The following AMD1 variants were observed in gnomAD, a reference collection of about 807,000 sequenced individuals.
The protein encoded by AMD1 is S-adenosylmethionine decarboxylase proenzyme.
AMD1 carries 11 observed loss-of-function variants against 40.2 expected under a neutral mutation model. The ratio of observed to expected loss-of-function variants is 0.27; its 90% confidence interval spans 0.17 to 0.45. The LOEUF (loss-of-function observed/expected upper bound fraction) is 0.45. Ranked by LOEUF, AMD1 falls within the 20% of genes least tolerant of loss-of-function variation. The pLI is 1.00. For missense variants in AMD1, 257 were observed against 410.2 expected, an observed-to-expected ratio of 0.63 and a Z score of 3.23; for synonymous variants, 121 against 130.8, an observed-to-expected ratio of 0.93 and a Z score of 0.51.
At chr6:110,874,510 C>G (rs995502370), upstream of AMD1, among the ~76,000 whole-genome samples, 1 of 152,164 alleles carries the variant, frequency 6.6e-6, no homozygotes, top group Non-Finnish European at 1.5e-5. Context: ...CGTTCCCGCT[C>G]TCCCCACCCA....
At chr6:110,879,436 G>A (rs975811582) in intron 1 of AMD1, among the ~76,000 whole-genome samples, 17 of 152,210 alleles carry the variant, frequency 1.1e-4, no homozygotes, top group Non-Finnish European at 1.6e-4. Flanking sequence ...ACTGAGAGGA[G>A]TATCCCGATT....
the AMD1 span, among the ~76,000 whole-genome samples, chr6:110,823,530 T>C: frequency 1.3e-5 from 2 of 152,144 alleles, no homozygotes; most frequent in Non-Finnish European, 1.5e-5. Context: ...GGCTACAAAA[T>C]AAATGCACAC....
At chr6:110,834,764 C>T in the AMD1 span, among the ~76,000 whole-genome samples, 1 of 151,942 alleles carries the variant, frequency 6.6e-6, no homozygotes, top group East Asian at 2.0e-4. Flanking sequence ...CAAGACCATC[C>T]TGGCCAACGT....
chr6:110,858,388 C>A, the AMD1 span: 8 of 841,770 alleles, frequency 9.5e-6, no homozygotes, highest in South Asian at 9.3e-5. Context: ...GCCCCGACTT[C>A]CAGAAGGGCC....
At chr6:110,825,186 A>G in the AMD1 span, among the ~76,000 whole-genome samples, 2 of 152,252 alleles carry the variant, frequency 1.3e-5, no homozygotes, top group African/African-American at 4.8e-5. Context: ...GAGATAAACA[A>G]GAGTAACTGA....
At chr6:110,857,873 CA>C in the AMD1 span, among the ~76,000 whole-genome samples, 310 of 151,304 alleles carry the variant, frequency 2.0e-3, 2 homozygotes, top group African/African-American at 7.2e-3. Context: ...CTCGCTCTGT[CA>C]CCCAGGCTGG....
chr6:110,842,766 TC>T, the AMD1 span, among the ~76,000 whole-genome samples: 1 of 151,928 alleles, frequency 6.6e-6, no homozygotes, highest in East Asian at 1.9e-4. Flanking sequence ...GAAAAGAAAA[TC>T]CTCTCTGGAA....
the AMD1 span, among the ~76,000 whole-genome samples, chr6:110,861,698 C>T: frequency 2.0e-5 from 3 of 151,264 alleles, no homozygotes; most frequent in Admixed American, 2.0e-4. Flanking sequence ...AAAAACTAAC[C>T]AGGCGTGGTG....
At chr6:110,815,255 G>GCGCC in the AMD1 span, 3 of 1,154,292 alleles carry the variant, frequency 2.6e-6, no homozygotes, top group Non-Finnish European at 3.3e-6. Context: ...GCGCGCGCGC[G>GCGCC]CGCCGCCCGC....
the AMD1 span, chr6:110,815,314 A>T: frequency 1.7e-5 from 10 of 580,910 alleles, no homozygotes; most frequent in African/African-American, 2.0e-4. Flanking sequence ...CTCGGCGGCC[A>T]CAGCAGCCAC....
chr6:110,825,794 G>C, the AMD1 span, among the ~76,000 whole-genome samples: 1 of 152,168 alleles, frequency 6.6e-6, no homozygotes, highest in South Asian at 2.1e-4. Context: ...AGAGTGTTCA[G>C]AAAACAGATT....
the AMD1 span, among the ~76,000 whole-genome samples, chr6:110,862,060 C>T: frequency 7.3e-6 from 1 of 136,666 alleles, no homozygotes; most frequent in African/African-American, 2.7e-5. Flanking sequence ...CACTTTGTTA[C>T]CCCGGCTGGA....
chr6:110,860,507 A>C, the AMD1 span, among the ~76,000 whole-genome samples: 10 of 152,222 alleles, frequency 6.6e-5, no homozygotes, highest in East Asian at 3.9e-4. Flanking sequence ...ATTAAAAAAA[A>C]ACACACACAT....
At chr6:110,839,222 CTG>C in the AMD1 span, among the ~76,000 whole-genome samples, 2 of 152,120 alleles carry the variant, frequency 1.3e-5, no homozygotes, top group African/African-American at 2.4e-5. Context: ...TTATAAAACA[CTG>C]TTTTCTACAC....
the AMD1 span, among the ~76,000 whole-genome samples, chr6:110,825,557 C>G: frequency 6.6e-6 from 1 of 152,134 alleles, no homozygotes; most frequent in African/African-American, 2.4e-5. Flanking sequence ...ATGTAGGTAC[C>G]ACTGCCACTG....
At chr6:110,853,400 C>T in the AMD1 span, among the ~76,000 whole-genome samples, 1 of 151,800 alleles carries the variant, frequency 6.6e-6, no homozygotes, top group African/African-American at 2.4e-5. Flanking sequence ...CTCCACTTCC[C>T]GGGTTCAAGC....
the AMD1 span, among the ~76,000 whole-genome samples, chr6:110,860,791 C>T: frequency 0.046 from 6,943 of 150,994 alleles, 229 homozygotes; most frequent in African/African-American, 0.088. Context: ...CAGAGCGAGA[C>T]TCCATCTCAG....
the AMD1 span, among the ~76,000 whole-genome samples, chr6:110,837,527 A>G: frequency 6.6e-6 from 1 of 150,672 alleles, no homozygotes; most frequent in African/African-American, 2.4e-5. Flanking sequence ...CCTGGCCAAC[A>G]TGGTGAAACC....
chr6:110,838,326 T>C, the AMD1 span, among the ~76,000 whole-genome samples: 2 of 150,890 alleles, frequency 1.3e-5, no homozygotes, highest in Non-Finnish European at 3.0e-5. Flanking sequence ...GAGGTAGAGG[T>C]TGCAGTGAGC....
Sources: gnomAD v4.1 joint callset for allele counts (sites outside exome capture counted in the v4.1 genomes callset) on GRCh38, gnomAD v4.1.1 for gene constraint, MANE v1.5 for transcripts, NCBI Gene and HGNC (gene_info 2026-07-23, HGNC 2026-07-21) for gene names.